The following LHFPL3 variants were observed in gnomAD, a reference collection of about 807,000 sequenced individuals.
LHFPL3 encodes the protein LHFPL tetraspan subfamily member 3, also known as LHFPL tetraspan subfamily member 3 protein.
Under a neutral mutation model 19.3 loss-of-function variants are expected in LHFPL3, and 5 were observed. The ratio of observed to expected loss-of-function variants is 0.26; its 90% CI spans 0.14 to 0.54. The LOEUF (loss-of-function observed/expected upper bound fraction) is 0.54, where lower values mean the gene tolerates loss of function less well. LHFPL3 is among the 20% of genes least tolerant of loss of function. The pLI is 0.94. For synonymous variants in LHFPL3, 133 were observed against 126.2 expected (o/e 1.05, Z -0.36); for missense variants, 249 against 307.4 (o/e 0.81, Z 1.42).
At chr7:104,645,265 C>G (rs1398252995) in intron 1 of LHFPL3, among the ~76,000 whole-genome samples, 2 of 152,028 alleles carry the variant, frequency 1.3e-5, no homozygotes. Flanking sequence ...TTTTTCAAAA[C>G]TGCTTTATTT....
intron 1 of LHFPL3, among the ~76,000 whole-genome samples, chr7:104,397,562 C>T (rs4236568): frequency 0.56 from 84,605 of 151,752 alleles, 23,943 homozygotes; most frequent in African/African-American, 0.64. Context: ...CCCCTAGTTT[C>T]CCCCGGGGGA....
At chr7:104,764,080 A>G (rs1428626357) in intron 2 of LHFPL3, among the ~76,000 whole-genome samples, 1 of 152,224 alleles carries the variant, frequency 6.6e-6, no homozygotes, top group East Asian at 1.9e-4. Context: ...CACTTTCTCT[A>G]CCAATCAGCC....
intron 1 of LHFPL3, among the ~76,000 whole-genome samples, chr7:104,457,263 TC>T (rs1163431651): frequency 6.7e-6 from 1 of 150,282 alleles, no homozygotes; most frequent in African/African-American, 2.4e-5. Context: ...AAGCTATCCC[TC>T]CCCCATCCCC....
At position 104,412,891 on chromosome 7, in the gene LHFPL3, C is replaced by G. The variant is rs1207789912; in HGVS notation, c.445+83667C>G. ...GTAATGACTCTTTCACTAGTGAGTA[C>G]CATAAATGTGTTTGTCAGGTCTGTC... On this transcript the variant is annotated intron_variant, in intron 1 of 2. Coordinates refer to ENST00000424859, the MANE Select transcript of LHFPL3 (RefSeq NM_199000.3). Among the ~76,000 whole-genome samples, 3 of 152,148 alleles carry G rather than the reference C, an allele frequency of 2.0e-5. No individual in the cohort carries two copies. The East Asian group carries it at 5.8e-4, about 29-fold the overall frequency.
At chr7:104,446,636 C>A (rs566048445) in intron 1 of LHFPL3, among the ~76,000 whole-genome samples, 3 of 152,124 alleles carry the variant, frequency 2.0e-5, no homozygotes, top group Non-Finnish European at 4.4e-5. Flanking sequence ...AGTGCAGTGG[C>A]ATGACCTTGG....
chr7:104,360,895 G>T (rs1044519391), intron 1 of LHFPL3, among the ~76,000 whole-genome samples: 1 of 152,146 alleles, frequency 6.6e-6, no homozygotes, highest in Admixed American at 6.5e-5. Flanking sequence ...GATAGCCCAT[G>T]GGCTAAATTC....
chr7:104,619,989 C>T (rs536497351), intron 1 of LHFPL3, among the ~76,000 whole-genome samples: 1 of 152,300 alleles, frequency 6.6e-6, no homozygotes, highest in East Asian at 1.9e-4. Context: ...GCTTGTGCTC[C>T]TATGAGAATC....
intron 1 of LHFPL3, among the ~76,000 whole-genome samples, chr7:104,550,016 G>A (rs754931950): frequency 1.3e-5 from 2 of 152,042 alleles, no homozygotes; most frequent in Non-Finnish European, 2.9e-5. Context: ...ACACAGTTAC[G>A]GAGGCTGAAA....
intron 2 of LHFPL3, among the ~76,000 whole-genome samples, chr7:104,755,475 AT>A (rs1794264456): frequency 6.6e-6 from 1 of 152,072 alleles, no homozygotes; most frequent in Non-Finnish European, 1.5e-5. Flanking sequence ...GGGAAACTAA[AT>A]GCTGGATGAT....
chr7:104,351,859 A>G (rs1454443833), intron 1 of LHFPL3, among the ~76,000 whole-genome samples: 1 of 152,038 alleles, frequency 6.6e-6, no homozygotes, highest in Non-Finnish European at 1.5e-5. Context: ...CTTGGTCTCT[A>G]TATCCTGTTA....
chr7:104,624,724 A>G (rs1391947794), intron 1 of LHFPL3, among the ~76,000 whole-genome samples: 1 of 152,216 alleles, frequency 6.6e-6, no homozygotes, highest in East Asian at 1.9e-4. Context: ...AGGACTATTT[A>G]GTGGTATCCT....
rs140266247 is a variant in LHFPL3, at chr7:104,426,278, T to C, written c.445+97054T>C. Among the ~76,000 whole-genome samples, 1,040 of 152,012 alleles carry C rather than the reference T, an allele frequency of 6.8e-3. 9 individuals are homozygous for C. The highest frequency in any genetic ancestry group is 0.024 in the African/African-American group (992 of 41,390). On this transcript the variant is annotated intron_variant, in intron 1 of 2. Transcript: ENST00000424859. ...TTTGTTTGTTTGTTTGTTTTTGAGA[T>C]GGAGTTTTGCCCTTGTTGCCCAGGT...
At chr7:104,494,879 C>T (rs1038438424) in intron 1 of LHFPL3, among the ~76,000 whole-genome samples, 11 of 152,100 alleles carry the variant, frequency 7.2e-5, no homozygotes, top group African/African-American at 2.7e-4. Context: ...AGCTGGGGTA[C>T]AAATACTAGA....
chr7:104,423,150 A>G (rs554845105), intron 1 of LHFPL3, among the ~76,000 whole-genome samples: 6 of 152,260 alleles, frequency 3.9e-5, no homozygotes, highest in Non-Finnish European at 8.8e-5. Flanking sequence ...CAATAAGCCA[A>G]TGGTAATGGA....
intron 1 of LHFPL3, among the ~76,000 whole-genome samples, chr7:104,622,270 C>T (rs1791459610): frequency 6.6e-6 from 1 of 152,144 alleles, no homozygotes; most frequent in Non-Finnish European, 1.5e-5. Flanking sequence ...CCACCACACT[C>T]AGCTCATTTT....
At chr7:104,519,717 C>T (rs1276895309) in intron 1 of LHFPL3, among the ~76,000 whole-genome samples, 1 of 152,010 alleles carries the variant, frequency 6.6e-6, no homozygotes, top group Non-Finnish European at 1.5e-5. Flanking sequence ...ACTGTTTTGA[C>T]TATTAACACT....
chr7:104,883,883 C>G (rs1269402681), intron 2 of LHFPL3, among the ~76,000 whole-genome samples: 1 of 152,152 alleles, frequency 6.6e-6, no homozygotes, highest in East Asian at 1.9e-4. Context: ...CAGAGGAAAG[C>G]GTGGGCCTCT....
At chr7:104,517,778 G>A (rs1046711327) in intron 1 of LHFPL3, among the ~76,000 whole-genome samples, 1 of 152,000 alleles carries the variant, frequency 6.6e-6, no homozygotes, top group Non-Finnish European at 1.5e-5. Flanking sequence ...AAAGTGCTGG[G>A]ATTACAGGCA....
chr7:104,362,434 A>G (rs1790403325), intron 1 of LHFPL3, among the ~76,000 whole-genome samples: 1 of 152,238 alleles, frequency 6.6e-6, no homozygotes, highest in Non-Finnish European at 1.5e-5. Context: ...TTTAATTCTG[A>G]AAACAATTGA....
Sources: gnomAD v4.1 joint callset for allele counts (sites outside exome capture counted in the v4.1 genomes callset) on GRCh38, gnomAD v4.1.1 for gene constraint, MANE v1.5 for transcripts, NCBI Gene and HGNC (gene_info 2026-07-23, HGNC 2026-07-21) for gene names.